The following TRPV1 variants were observed in gnomAD, a reference collection of about 807,000 sequenced individuals.
The protein encoded by TRPV1 is transient receptor potential cation channel subfamily V member 1, also known as OTRPC1.
TRPV1 carries 82 observed loss-of-function variants against 82.3 expected under a neutral mutation model. That is an observed-to-expected ratio of 1.00 (90% CI 0.83 to 1.20). TRPV1 has a LOEUF of 1.20. Ranked by LOEUF, TRPV1 falls within the 50% of genes most tolerant of loss-of-function variation. The pLI is 0.00. For synonymous variants in TRPV1, 515 were observed against 467.7 expected, an observed-to-expected ratio of 1.10 and a Z score of -1.30; for missense variants, 1,067 against 1,096.8, an observed-to-expected ratio of 0.97 and a Z score of 0.38.
intron 13 of TRPV1, among the ~76,000 whole-genome samples, chr17:3,576,362 A>G (rs1315756167): frequency 6.6e-6 from 1 of 152,064 alleles, no homozygotes; most frequent in African/African-American, 2.4e-5. Context: ...TATTAAAAAT[A>G]TAACAACTAG....
chr17:3,582,037 A>C (rs1321279361), intron 10 of TRPV1, among the ~76,000 whole-genome samples: 1 of 146,668 alleles, frequency 6.8e-6, no homozygotes, highest in African/African-American at 2.5e-5. Context: ...AAAAATACAA[A>C]AAATTAGCCG....
chr17:3,596,533 C>T (rs2075221270), intron 2 of TRPV1, among the ~76,000 whole-genome samples: 1 of 152,236 alleles, frequency 6.6e-6, no homozygotes, highest in African/African-American at 2.4e-5. Context: ...CGCTCGTCCA[C>T]TCCACAGAGA....
chr17:3,573,163 G>A (rs1038108386), intron 14 of TRPV1, among the ~76,000 whole-genome samples: 3 of 152,048 alleles, frequency 2.0e-5, no homozygotes, highest in East Asian at 3.9e-4. Context: ...TGTGGCCCAC[G>A]GGGCCAGAAA....
At chr17:3,590,509 G>A in intron 5 of TRPV1, 117 bp from the exon 6 acceptor site, 1 of 1,447,456 alleles carries the variant, frequency 6.9e-7, no homozygotes, top group Non-Finnish European at 9.2e-7. Flanking sequence ...TGGGCAGAAA[G>A]TGCCTGGAGG....
intron 7 of TRPV1, chr17:3,588,822 A>AC (rs2075116117): frequency 3.1e-6 from 4 of 1,301,862 alleles, no homozygotes; most frequent in East Asian, 2.6e-5. Context: ...CTAAAAAAAA[A>AC]AAAAAAAACA....
rs143379358 is a variant in TRPV1 at position 3,607,984 on chromosome 17, G to T, written c.-34+443C>A. On this transcript the variant is annotated intron_variant, in intron 2 of 16. Transcript: ENST00000572705. ...AATCCTAGTACTTTGGGAGGCCAAG[G>T]TAAGTGGATCACCTGAGGTCAGGAG... Among the ~76,000 whole-genome samples, 3 of 152,184 alleles carry T rather than the reference G, an allele frequency of 2.0e-5. No homozygotes were observed. In the East Asian group the frequency reaches 5.8e-4, roughly 30 times the overall value.
intron 10 of TRPV1, among the ~76,000 whole-genome samples, chr17:3,580,794 A>G (rs2074998675): frequency 6.6e-6 from 1 of 152,190 alleles, no homozygotes; most frequent in Non-Finnish European, 1.5e-5. Flanking sequence ...AGGCGGGTGG[A>G]TCACCTGAGG....
intron 2 of TRPV1, among the ~76,000 whole-genome samples, chr17:3,594,190 T>C (rs10438717): frequency 0.15 from 20,847 of 142,114 alleles, 5,269 homozygotes; most frequent in African/African-American, 0.53. Flanking sequence ...GCTGCACACA[T>C]GGGGAAATAA....
chr17:3,577,104 C>T (rs200129356), intron 13 of TRPV1, 22 bp downstream of exon 13: 2 of 1,571,486 alleles, frequency 1.3e-6, no homozygotes, highest in African/African-American at 1.4e-5. Flanking sequence ...TGCCCTCCCC[C>T]AGCGCTGACC....
intron 11 of TRPV1, among the ~76,000 whole-genome samples, chr17:3,580,247 C>G (rs373423416): frequency 6.6e-6 from 1 of 152,166 alleles, no homozygotes; most frequent in Non-Finnish European, 1.5e-5. Flanking sequence ...CTGTAAGTCA[C>G]GGCAGTTTCT....
chr17:3,604,789 A>C (rs1464901872), intron 2 of TRPV1, among the ~76,000 whole-genome samples: 3 of 151,888 alleles, frequency 2.0e-5, no homozygotes, highest in Non-Finnish European at 4.4e-5. Flanking sequence ...CTGGCCCACC[A>C]TCTCTCCAGG....
chr17:3,596,616 C>T (rs915512729), intron 2 of TRPV1, among the ~76,000 whole-genome samples: 15 of 152,210 alleles, frequency 9.9e-5, no homozygotes, highest in African/African-American at 2.2e-4. Flanking sequence ...CCCCCGAGGA[C>T]GGCTGATGCA....
intron 16 of TRPV1, among the ~76,000 whole-genome samples, chr17:3,567,338 C>CAGG (rs2150819948): frequency 6.9e-6 from 1 of 144,764 alleles, no homozygotes; most frequent in Admixed American, 7.0e-5. Context: ...CACTGCACTC[C>CAGG]AGCCTGGGCG....
Position 3,580,814 on chromosome 17 carries a change from C to T in TRPV1, c.1477-287G>A, listed in dbSNP as rs899204022. The stretch of plus-strand genomic sequence containing the variant: ...GGTGGATCACCTGAGGTTAGGAGTT[C>T]GAGACCAGCCTGGCCAACATGGTGA... On this transcript the variant is annotated intron_variant, in intron 10 of 16. Transcript: ENST00000572705. 9.2e-5 allele frequency among the ~76,000 whole-genome samples: 14 copies of T among 152,188 alleles called. No homozygotes were observed. In the East Asian group the frequency reaches 9.7e-4, roughly 11 times the overall value.
chr17:3,572,145 C>T lies in TRPV1; in HGVS notation c.2208G>A (p.Lys736=), dbSNP rs768890656. ...ACCTGAAGCACCACCGGTAGTCGTC[C>T]TTGCCATCAGGTGTGTACCCCACCT... is the stretch of plus-strand genomic sequence containing the variant. The part of the protein sequence containing the change: ...LLQVGYTPDG[K]DDYRWCFRVD... The change falls in exon 15 of 17, where the codon AAG becomes AAA. Residue 736 remains lysine, a synonymous_variant. Transcript: ENST00000572705. The T allele has an allele frequency of 6.8e-6, 11 of 1,613,578 alleles. No homozygotes were observed. The South Asian group carries it at 7.7e-5, about 11-fold the overall frequency.
chr17:3,581,543 G>GAA (rs968825479), intron 10 of TRPV1, among the ~76,000 whole-genome samples: 2 of 148,012 alleles, frequency 1.4e-5, no homozygotes. Context: ...GTGAGTGACT[G>GAA]AAAAAAAAAA....
At chr17:3,588,485 A>T (rs1338161783) in intron 7 of TRPV1, 118 bp from the exon 8 acceptor site, 1 of 1,173,216 alleles carries the variant, frequency 8.5e-7, no homozygotes. Context: ...GCCCCAGGCG[A>T]GTCCCCACCC....
chr17:3,568,258 C>G lies in TRPV1; in HGVS notation c.2348-1271G>C, dbSNP rs1310260514. On this transcript the variant is annotated intron_variant, in intron 16 of 16. Coordinates refer to ENST00000572705, the MANE Select transcript of TRPV1 (RefSeq NM_080704.4). Reference sequence around the variant, plus strand: ...AATGGCGTGAACCCGGGAGGTGGAGCTTGCAGTGAGCCAAGATTGCGCCAC... The same window carrying G: ...AATGGCGTGAACCCGGGAGGTGGAGGTTGCAGTGAGCCAAGATTGCGCCAC... 5.3e-5 allele frequency among the ~76,000 whole-genome samples: 8 copies of G among 149,540 alleles called. No individual in the cohort carries two copies. In the South Asian group the frequency reaches 1.5e-3, roughly 28 times the overall value.
Position 3,571,535 on chromosome 17 carries a change from C to G in TRPV1, c.2336G>C (p.Arg779Pro). The G allele has an allele frequency of 6.2e-7, 1 of 1,604,026 alleles. No homozygotes were observed. The highest frequency in any genetic ancestry group is 8.5e-7 in the Non-Finnish European group (1 of 1,175,504). Residue 779 changes from arginine to proline, a missense_variant, in exon 16 of 17, where the codon CGG (arginine) becomes CCG (proline). Physicochemically the swap from Arg to Pro is moderately radical, Grantham distance 103. Transcript: ENST00000572705. ...CCCTCACGCCTCACCTCTGCTTGACCGCAGGGAGAAGCTCAGGGTGCGCTT... is the reference window on the plus strand; with the variant it reads ...CCCTCACGCCTCACCTCTGCTTGACGGCAGGGAGAAGCTCAGGGTGCGCTT... Reference protein sequence around the residue: ...GVKRTLSFSLRSSRVSGRHWK... With the variant: ...GVKRTLSFSLPSSRVSGRHWK...
Sources: allele counts gnomAD v4.1 joint callset (sites outside exome capture counted in the v4.1 genomes callset), GRCh38; gene constraint gnomAD v4.1.1; transcripts MANE v1.5; gene names NCBI Gene and HGNC (gene_info 2026-07-23, HGNC 2026-07-21).